KIAA1328: variants seen among roughly 807,000 people sequenced by gnomAD.
KIAA1328 encodes protein hinderin.
In KIAA1328, 52 loss-of-function variants were observed where a neutral mutation model predicts 68.1. The ratio of observed to expected loss-of-function variants is 0.76; its 90% confidence interval spans 0.61 to 0.96. The LOEUF is 0.96. Ranked by LOEUF, KIAA1328 falls within the 40% of genes least tolerant of loss-of-function variation. The pLI is 0.00. For missense variants in KIAA1328, 641 were observed against 677.6 expected, an observed-to-expected ratio of 0.95 and a Z score of 0.60; for synonymous variants, 232 against 239.4, an observed-to-expected ratio of 0.97 and a Z score of 0.28.
chr18:37,183,922 T>C (rs1273997575), intron 9 of KIAA1328, among the ~76,000 whole-genome samples: 2 of 152,250 alleles, frequency 1.3e-5, no homozygotes, highest in Non-Finnish European at 2.9e-5. Context: ...TAGTGTGTTT[T>C]ATTTATTGTT....
intron 6 of KIAA1328, among the ~76,000 whole-genome samples, chr18:36,963,446 A>T (rs2051782901): frequency 6.6e-6 from 1 of 152,214 alleles, no homozygotes; most frequent in Admixed American, 6.5e-5. Context: ...TATCTTAAGG[A>T]TACAGAGCTG....
At chr18:37,023,227 T>G (rs1022196427) in intron 6 of KIAA1328, among the ~76,000 whole-genome samples, 5 of 152,080 alleles carry the variant, frequency 3.3e-5, no homozygotes, top group Non-Finnish European at 7.4e-5. Flanking sequence ...TTTTATTTAT[T>G]TATTTGGGAC....
chr18:36,881,823 T>C (rs1248699365), intron 4 of KIAA1328, among the ~76,000 whole-genome samples: 2 of 152,258 alleles, frequency 1.3e-5, no homozygotes, highest in African/African-American at 4.8e-5. Flanking sequence ...AACTTTCCAT[T>C]GTATAGACAC....
chr18:36,963,432 G>A (rs12958534), intron 6 of KIAA1328, among the ~76,000 whole-genome samples: 33,434 of 152,120 alleles, frequency 0.22, 4,370 homozygotes, highest in Non-Finnish European at 0.29. Flanking sequence ...AGTATTAATA[G>A]TCTTATCTTA....
intron 7 of KIAA1328, among the ~76,000 whole-genome samples, chr18:37,076,533 A>G (rs528354535): frequency 1.3e-5 from 2 of 151,906 alleles, no homozygotes; most frequent in Admixed American, 6.6e-5. Flanking sequence ...CAAAAAATTA[A>G]TGAATCCAGG....
intron 9 of KIAA1328, among the ~76,000 whole-genome samples, chr18:37,198,185 G>C (rs2060039222): frequency 6.6e-6 from 1 of 152,182 alleles, no homozygotes; most frequent in Non-Finnish European, 1.5e-5. Flanking sequence ...AGGGGCTTGA[G>C]AGTAAGGAGT....
chr18:37,019,923 G>A (rs190392305), intron 6 of KIAA1328, among the ~76,000 whole-genome samples: 2 of 152,146 alleles, frequency 1.3e-5, no homozygotes, highest in Admixed American at 1.3e-4. Flanking sequence ...AGGAGAGAGG[G>A]TCTTCCTGTA....
chr18:36,964,050 G>T (rs1020979580), intron 6 of KIAA1328, among the ~76,000 whole-genome samples: 1 of 152,176 alleles, frequency 6.6e-6, no homozygotes, highest in African/African-American at 2.4e-5. Flanking sequence ...AATCAGCCAG[G>T]TCATACAGCT....
At chr18:37,198,790 G>T (rs2060051804) in intron 9 of KIAA1328, among the ~76,000 whole-genome samples, 1 of 152,182 alleles carries the variant, frequency 6.6e-6, no homozygotes, top group Non-Finnish European at 1.5e-5. Flanking sequence ...TTTCTCTGAA[G>T]TGGGAAGCAA....
chr18:37,157,986 G>C (rs2154210940), intron 7 of KIAA1328, among the ~76,000 whole-genome samples: 1 of 151,588 alleles, frequency 6.6e-6, no homozygotes, highest in East Asian at 1.9e-4. Context: ...TTCTCATGCT[G>C]TTGTTCATGT....
At chr18:37,007,157 G>A (rs2053814073) in intron 6 of KIAA1328, among the ~76,000 whole-genome samples, 2 of 152,102 alleles carry the variant, frequency 1.3e-5, no homozygotes, top group South Asian at 4.1e-4. Flanking sequence ...AAGGACACTT[G>A]TAGTCCAGAA....
At chr18:37,127,368 T>C (rs1303956671) in intron 7 of KIAA1328, among the ~76,000 whole-genome samples, 2 of 152,078 alleles carry the variant, frequency 1.3e-5, no homozygotes, top group Non-Finnish European at 2.9e-5. Flanking sequence ...TCTAATAACA[T>C]CTGTACAAGA....
At chr18:36,979,316 A>G (rs574723793) in intron 6 of KIAA1328, among the ~76,000 whole-genome samples, 20 of 152,302 alleles carry the variant, frequency 1.3e-4, no homozygotes, top group Non-Finnish European at 2.5e-4. Context: ...ATAGATATAA[A>G]CTGTGATGAT....
intron 9 of KIAA1328, among the ~76,000 whole-genome samples, chr18:37,189,275 G>A (rs2154217098): frequency 6.6e-6 from 1 of 152,300 alleles, no homozygotes; most frequent in Admixed American, 6.5e-5. Context: ...AAAGAGAGAA[G>A]CAAATGTAGT....
chr18:36,874,136 T>A (rs2048041281), intron 4 of KIAA1328, among the ~76,000 whole-genome samples: 1 of 152,220 alleles, frequency 6.6e-6, no homozygotes, highest in Admixed American at 6.5e-5. Context: ...TGAATAGTGC[T>A]GTAATAAGCA....
At chr18:37,057,122 A>T (rs1316977230) in intron 6 of KIAA1328, among the ~76,000 whole-genome samples, 1 of 152,200 alleles carries the variant, frequency 6.6e-6, no homozygotes, top group South Asian at 2.1e-4. Context: ...TACATAGAAA[A>T]AAATGTAAAT....
At chr18:36,976,220 G>A (rs2052466308) in intron 6 of KIAA1328, among the ~76,000 whole-genome samples, 1 of 152,130 alleles carries the variant, frequency 6.6e-6, no homozygotes, top group Non-Finnish European at 1.5e-5. Flanking sequence ...TATAATTTTG[G>A]ACAGTGTAGT....
At chr18:36,847,911 A>C (rs2047082210) in intron 4 of KIAA1328, among the ~76,000 whole-genome samples, 1 of 151,672 alleles carries the variant, frequency 6.6e-6, no homozygotes, top group Non-Finnish European at 1.5e-5. Flanking sequence ...TGCATGGTTT[A>C]TTTCTAGACT....
chr18:36,856,258 G>C (rs924159072), intron 4 of KIAA1328, among the ~76,000 whole-genome samples: 1 of 151,862 alleles, frequency 6.6e-6, no homozygotes, highest in Non-Finnish European at 1.5e-5. Flanking sequence ...TATTTCTTCA[G>C]GTATGCCTTT....
Sources: gnomAD v4.1 joint callset for allele counts (sites outside exome capture counted in the v4.1 genomes callset) on GRCh38, gnomAD v4.1.1 for gene constraint, MANE v1.5 for transcripts, NCBI Gene and HGNC (gene_info 2026-07-23, HGNC 2026-07-21) for gene names.